Variants in VRK2 observed in about 807,000 individuals in gnomAD.
The protein encoded by VRK2 is VRK serine/threonine kinase 2.
In VRK2, 60 loss-of-function variants were observed where a neutral mutation model predicts 57.6. That is an observed-to-expected ratio of 1.04 (90% CI 0.85 to 1.29). VRK2 has a LOEUF of 1.29. VRK2 is among the 50% of genes most tolerant of loss of function. The probability of loss-of-function intolerance (pLI) is 0.00; values close to 1 mark genes in which losing one functional copy is unlikely to be tolerated. For synonymous variants in VRK2, 231 were observed against 199.2 expected, an observed-to-expected ratio of 1.16 and a Z score of -1.35; for missense variants, 705 against 588.1, an observed-to-expected ratio of 1.20 and a Z score of -2.06.
chr2:58,036,477 T>A lies in VRK2; in HGVS notation c.-6+2924T>A, dbSNP rs367780293. Reference sequence around the variant, plus strand: ...TTGTTGTAATAGGTAAAAAGTACCATAGGTCTAAAATAAAGCATTAATCTA... The same window carrying A: ...TTGTTGTAATAGGTAAAAAGTACCAAAGGTCTAAAATAAAGCATTAATCTA... On this transcript the variant is annotated intron_variant, in intron 3 of 15. Transcript: ENST00000417641. Among the ~76,000 whole-genome samples the A allele has an allele frequency of 3.2e-4, 49 of 152,120 alleles. No homozygotes were observed. The South Asian group carries it at 9.5e-3, about 30-fold the overall frequency.
chr2:58,014,547 C>T (rs1673516695), intron 1 of VRK2, among the ~76,000 whole-genome samples: 2 of 152,166 alleles, frequency 1.3e-5, no homozygotes, highest in African/African-American at 4.8e-5. Flanking sequence ...CTCAGGTTAC[C>T]ACTTCTGTTG....
intron 1 of VRK2, among the ~76,000 whole-genome samples, chr2:57,971,138 C>G (rs1477415779): frequency 6.6e-6 from 1 of 151,908 alleles, no homozygotes; most frequent in Non-Finnish European, 1.5e-5. Flanking sequence ...TCATGGCCAT[C>G]ATTTATTACA....
At chr2:58,104,056 C>T (rs940047527) in intron 7 of VRK2, among the ~76,000 whole-genome samples, 13 of 151,588 alleles carry the variant, frequency 8.6e-5, no homozygotes, top group African/African-American at 2.7e-4. Flanking sequence ...ACAAACCAGA[C>T]GTAGAAGGAA....
At chr2:58,028,903 A>AATAAATAAATATATATAT (rs1553378204) in intron 2 of VRK2, among the ~76,000 whole-genome samples, 1 of 54,024 alleles carries the variant, frequency 1.9e-5, no homozygotes, top group Admixed American at 2.2e-4. Context: ...TAAATAAATA[A>AATAAATAAATATATATAT]ATATATATAT....
intron 1 of VRK2, among the ~76,000 whole-genome samples, chr2:58,016,939 T>G (rs888369308): frequency 4.6e-5 from 7 of 152,200 alleles, no homozygotes; most frequent in Non-Finnish European, 1.0e-4. Context: ...AGTCTGACAT[T>G]TTGTTTAGGG....
intron 1 of VRK2, among the ~76,000 whole-genome samples, chr2:58,002,187 A>C (rs1030031943): frequency 1.3e-5 from 2 of 152,186 alleles, no homozygotes; most frequent in African/African-American, 4.8e-5. Context: ...AGATATTTAA[A>C]ATAAAAGTAA....
intron 1 of VRK2, among the ~76,000 whole-genome samples, chr2:57,969,174 C>T (rs1402701462): frequency 3.3e-5 from 5 of 151,720 alleles, no homozygotes; most frequent in Non-Finnish European, 5.9e-5. Flanking sequence ...TAAAGCAATA[C>T]TTGTTAAAAA....
In VRK2 at chr2:58,046,869, G is replaced by A. The variant is rs908923884; in HGVS notation, c.-6+1G>A. On this transcript the variant is annotated splice_donor_variant, in intron 1 of 12. Coordinates refer to ENST00000340157, the MANE Select transcript of VRK2 (RefSeq NM_006296.7). LOFTEE classifies it low-confidence loss of function (5UTR_SPLICE). ...CGGCGACGGGGGATCCTGAGGCCCG[G>A]TCAGTCTCTTGCTCTGGGGTCTTGG... The A allele has an allele frequency of 1.0e-6, 1 of 985,336 alleles. No individual in the cohort carries two copies. The highest frequency in any genetic ancestry group is 1.7e-5 in the African/African-American group (1 of 57,244). The allele number at this position is 985,336 out of a possible 1,614,324, so 61.0% of individuals were successfully genotyped here.
intron 4 of VRK2, among the ~76,000 whole-genome samples, chr2:58,085,801 A>G (rs1671531381): frequency 6.6e-6 from 1 of 151,940 alleles, no homozygotes; most frequent in African/African-American, 2.4e-5. Context: ...GGCTAGAGTC[A>G]TGAAAAAAAT....
At chr2:57,939,887 A>T (rs1463362891) in intron 1 of VRK2, among the ~76,000 whole-genome samples, 2 of 152,196 alleles carry the variant, frequency 1.3e-5, no homozygotes, top group Admixed American at 6.5e-5. Flanking sequence ...TTGGGTATTG[A>T]TAAATTTTTT....
chr2:57,960,011 G>A (rs1051033407), intron 1 of VRK2, among the ~76,000 whole-genome samples: 12 of 146,674 alleles, frequency 8.2e-5, no homozygotes, highest in African/African-American at 3.0e-4. Context: ...GCATGGGTGT[G>A]TGTGTGTGTG....
At chr2:57,982,245 C>A (rs1672443273) in intron 1 of VRK2, among the ~76,000 whole-genome samples, 1 of 152,198 alleles carries the variant, frequency 6.6e-6, no homozygotes, top group Non-Finnish European at 1.5e-5. Flanking sequence ...TCAGGTTAAG[C>A]ACCTGCTGCA....
chr2:58,105,953 T>G (rs918239329), intron 7 of VRK2, among the ~76,000 whole-genome samples: 5 of 151,956 alleles, frequency 3.3e-5, no homozygotes, highest in African/African-American at 1.2e-4. Context: ...TCAGCTAACA[T>G]TTTGTGAGTG....
intron 2 of VRK2, among the ~76,000 whole-genome samples, chr2:58,027,786 A>C (rs1316867848): frequency 1.3e-5 from 2 of 152,194 alleles, no homozygotes; most frequent in African/African-American, 4.8e-5. Flanking sequence ...AGTGTCCAGC[A>C]TGGGAGGCCA....
chr2:57,986,532 T>C (rs1332115947), intron 1 of VRK2, among the ~76,000 whole-genome samples: 2 of 151,460 alleles, frequency 1.3e-5, no homozygotes, highest in Non-Finnish European at 2.9e-5. Context: ...TAAAGCCACA[T>C]ATATACATAT....
chr2:58,097,771 G>T (rs553434090), intron 7 of VRK2, among the ~76,000 whole-genome samples: 1 of 152,148 alleles, frequency 6.6e-6, no homozygotes, highest in Admixed American at 6.5e-5. Context: ...TTGTATGAAA[G>T]TATAGCACGT....
At chr2:58,151,165 G>A (rs141060265) in intron 12 of VRK2, among the ~76,000 whole-genome samples, 1 of 151,774 alleles carries the variant, frequency 6.6e-6, no homozygotes, top group East Asian at 1.9e-4. Flanking sequence ...AATGACAAAG[G>A]AATGTTACAA....
At chr2:58,122,064 G>A (rs1297028801) in intron 7 of VRK2, among the ~76,000 whole-genome samples, 5 of 152,162 alleles carry the variant, frequency 3.3e-5, no homozygotes, top group African/African-American at 1.2e-4. Flanking sequence ...AATTCTAACT[G>A]ACTTAGAAAG....
chr2:57,990,832 T>A (rs962493373), intron 1 of VRK2, among the ~76,000 whole-genome samples: 22 of 147,848 alleles, frequency 1.5e-4, no homozygotes, highest in Non-Finnish European at 2.8e-4. Context: ...TATTTTCCCA[T>A]TATGATAGTC....
Sources: allele counts gnomAD v4.1 joint callset (sites outside exome capture counted in the v4.1 genomes callset), GRCh38; gene constraint gnomAD v4.1.1; transcripts MANE v1.5; gene names NCBI Gene and HGNC (gene_info 2026-07-23, HGNC 2026-07-21).